PCNT: variants seen among roughly 807,000 people sequenced by gnomAD.
PCNT encodes kendrin.
Under a neutral mutation model 380.4 loss-of-function variants are expected in PCNT, and 319 were observed. The ratio of observed to expected loss-of-function variants is 0.84; its 90% confidence interval spans 0.77 to 0.92. The LOEUF (loss-of-function observed/expected upper bound fraction) is 0.92, where lower values mean the gene tolerates loss of function less well. PCNT is among the 40% of genes least tolerant of loss of function. The pLI is 0.00. For missense variants in PCNT, 4,400 were observed against 4,255.3 expected (o/e 1.03, Z -0.95); for synonymous variants, 1,845 against 1,735.2 (o/e 1.06, Z -1.57).
At chr21:46,437,764 C>T (rs1014320142) in intron 40 of PCNT, among the ~76,000 whole-genome samples, 2 of 152,228 alleles carry the variant, frequency 1.3e-5, no homozygotes, top group African/African-American at 2.4e-5. Flanking sequence ...GTGGGGTGCA[C>T]CCTGCCCCCT....
intron 21 of PCNT, among the ~76,000 whole-genome samples, chr21:46,392,542 C>T (rs1272369482): frequency 1.3e-5 from 2 of 152,178 alleles, no homozygotes; most frequent in African/African-American, 4.8e-5. Context: ...TTTCTCACTG[C>T]CTTCGTTGGG....
chr21:46,412,348 C>A (rs563594308), intron 28 of PCNT, among the ~76,000 whole-genome samples: 62 of 152,328 alleles, frequency 4.1e-4, no homozygotes, highest in Admixed American at 8.5e-4. Context: ...AGGGACTGTC[C>A]AGTGAAACGG....
At position 46,346,195 on chromosome 21, in the gene PCNT, TGCATCAGAGTCAGGTGACCCG is replaced by T; in HGVS notation, c.710_720+10del. The stretch of plus-strand genomic sequence containing the variant: ...AGCGGCCGTGAAGATGAGGCTGGCC[TGCATCAGAGTCAGGTGACCCG>T]GCGGGGCCTGCACAGGCTCACAGCA... On this transcript the variant is annotated splice_donor_variant and splice_donor_5th_base_variant and coding_sequence_variant and intron_variant, in exon 4 of 47. Coordinates refer to ENST00000359568, the MANE Select transcript of PCNT (RefSeq NM_006031.6). LOFTEE classifies it high-confidence loss of function. 3 of 1,613,078 alleles carry T rather than the reference TGCATCAGAGTCAGGTGACCCG, an allele frequency of 1.9e-6. No homozygotes were observed. Among genetic ancestry groups the T allele is most frequent in the Non-Finnish European group, 2.5e-6 (3 of 1,179,640 alleles).
At position 46,416,293 on chromosome 21, in the gene PCNT, C is replaced by T; in HGVS notation, c.6375C>T (p.His2125=). The change falls in exon 30 of 47, where the codon CAC becomes CAT. Residue 2125 remains histidine (H), a synonymous_variant. Transcript: ENST00000359568. ...GAGAAGAGCCTGACATATCACCCCA[C>T]ATAGACACATGTGATGCCAATACAG... ...CDGEEPDISP[H]IDTCDANTAT... 1 of 1,613,964 alleles carries T rather than the reference C, an allele frequency of 6.2e-7. No individual in the cohort carries two copies. The highest frequency in any genetic ancestry group is 2.2e-5 in the East Asian group (1 of 44,888).
intron 3 of PCNT, among the ~76,000 whole-genome samples, chr21:46,338,557 G>A (rs144369345): frequency 1.5e-4 from 22 of 151,724 alleles, no homozygotes; most frequent in Non-Finnish European, 2.6e-4. Flanking sequence ...ACCTGGTGAG[G>A]GACATCTTTC....
intron 13 of PCNT, among the ~76,000 whole-genome samples, chr21:46,357,851 G>A (rs2084532630): frequency 6.6e-6 from 1 of 152,246 alleles, no homozygotes; most frequent in South Asian, 2.1e-4. Context: ...CTTAAATTGC[G>A]TCCGCGTTCC....
At chr21:46,356,530 G>A (rs971667004) in intron 12 of PCNT, among the ~76,000 whole-genome samples, 3 of 152,240 alleles carry the variant, frequency 2.0e-5, no homozygotes, top group Admixed American at 1.3e-4. Context: ...GCACAGAACA[G>A]CAGGGGGAGG....
At chr21:46,389,795 T>C (rs541014370) in intron 19 of PCNT, among the ~76,000 whole-genome samples, 8 of 152,366 alleles carry the variant, frequency 5.3e-5, no homozygotes, top group African/African-American at 1.4e-4. Flanking sequence ...CAAAGATCTT[T>C]TTTTCAGCCA....
Position 46,388,783 on chromosome 21 carries a change from T to C in PCNT, c.3506T>C (p.Phe1169Ser). 1.2e-6 allele frequency: 2 copies of C among 1,613,794 alleles called. No homozygotes were observed. The highest frequency in any genetic ancestry group is 1.7e-6 in the Non-Finnish European group (2 of 1,179,956). Residue 1169 changes from phenylalanine (F) to serine (S), a missense_variant, in exon 18 of 47, where the codon TTT becomes TCT. By Grantham distance (155) the Phe-to-Ser change is radical (BLOSUM62 -2). Coordinates refer to ENST00000359568, the MANE Select transcript of PCNT (RefSeq NM_006031.6). The surrounding 1 kb of genome is among the most constrained non-coding windows in gnomAD (Gnocchi z 4.2). ...QDALRRLLGLFGETLRAAVTL... is the reference protein window; with the variant it reads ...QDALRRLLGLSGETLRAAVTL... ...GCCCTGCGCAGGCTGCTGGGTTTGT[T>C]TGGAGAGACGCTGAGGGCAGCCGTC...
chr21:46,440,837 C>G lies in PCNT; in HGVS notation c.9394-18C>G, dbSNP rs749169683. ...CTTTGTTTCCTATGATAAAATTTTACTGCTTTTTTTCTTTTAGATGGAAAA... is the reference window on the plus strand; with the variant it reads ...CTTTGTTTCCTATGATAAAATTTTAGTGCTTTTTTTCTTTTAGATGGAAAA... On this transcript the variant is annotated intron_variant, in intron 42 of 46. Coordinates refer to ENST00000359568, the MANE Select transcript of PCNT (RefSeq NM_006031.6). 1.4e-6 allele frequency: 2 copies of G among 1,471,214 alleles called. No individual in the cohort carries two copies. Among genetic ancestry groups the G allele is most frequent in the South Asian group, 2.3e-5 (2 of 88,126 alleles). 91.1% of individuals were successfully genotyped at this position (1,471,214 alleles called of 1,614,324 possible). A position where few individuals can be genotyped will look rare whatever the true frequency, so the allele number is the denominator to read the frequency against.
Position 46,425,690 on chromosome 21 carries a change from C to A in PCNT, c.7180-141C>A. The A allele has an allele frequency of 1.7e-6, 2 of 1,207,068 alleles. No homozygotes were observed. The highest frequency in any genetic ancestry group is 2.4e-6 in the Non-Finnish European group (2 of 827,992). 74.8% of individuals were successfully genotyped at this position (1,207,068 alleles called of 1,614,324 possible). On this transcript the variant is annotated intron_variant, in intron 32 of 46. Coordinates refer to ENST00000359568, the MANE Select transcript of PCNT (RefSeq NM_006031.6). This position sits in a 1 kb window ranked among gnomAD's most constrained non-coding sequence, Gnocchi z 4.2. ...GCTTGAGAAGTGGGTGCCGCCTGTA[C>A]GAAGCCGAGGCGGTGCCCTCCCTCT...
chr21:46,384,607 C>T lies in PCNT; in HGVS notation c.3313-1225C>T, dbSNP rs1312493261. On this transcript the variant is annotated intron_variant, in intron 16 of 46. Transcript: ENST00000359568. ...AAGCCCATTCACAGTGCTGTACATT[C>T]AGTGGCAGAAGTGCATTCGTGGTGT... Among the ~76,000 whole-genome samples the T allele has an allele frequency of 2.3e-5, 3 of 131,272 alleles. 1 individual carries two copies. The highest frequency in any genetic ancestry group is 5.0e-5 in the Non-Finnish European group (3 of 60,268). 86.1% of individuals were successfully genotyped at this position (131,272 alleles called of 152,430 possible).
chr21:46,359,242 C>T (rs993480217), intron 13 of PCNT, among the ~76,000 whole-genome samples: 2 of 147,160 alleles, frequency 1.4e-5, no homozygotes, highest in African/African-American at 2.5e-5. Context: ...CGTGAGCCAC[C>T]GAACCTGGCT....
intron 3 of PCNT, among the ~76,000 whole-genome samples, chr21:46,336,973 A>T (rs189865273): frequency 2.9e-5 from 4 of 138,974 alleles, no homozygotes; most frequent in Non-Finnish European, 1.6e-5. Flanking sequence ...AAAAAAAATT[A>T]GAAGGTTGTT....
At position 46,416,365 on chromosome 21, in the gene PCNT, G is replaced by A. The variant is rs763122571; in HGVS notation, c.6447G>A (p.Ala2149=). The change falls in exon 30 of 47, where the codon GCG becomes GCA. Residue 2149 remains alanine, a synonymous_variant. Coordinates refer to ENST00000359568, the MANE Select transcript of PCNT (RefSeq NM_006031.6). ...TTATCAAAAATCAGGCCATAGACGCGTGTGATGCCAATACAACCCCAGGGG... is the reference window on the plus strand; with the variant it reads ...TTATCAAAAATCAGGCCATAGACGCATGTGATGCCAATACAACCCCAGGGG... The part of the protein sequence containing the change: ...TDVIKNQAID[A]CDANTTPGGV... The A allele has an allele frequency of 1.5e-5, 24 of 1,613,958 alleles. No homozygotes were observed. The highest frequency in any genetic ancestry group is 1.3e-4 in the Admixed American group (8 of 59,990).
intron 15 of PCNT, among the ~76,000 whole-genome samples, chr21:46,373,853 C>T (rs1383790303): frequency 2.0e-5 from 3 of 151,344 alleles, no homozygotes; most frequent in East Asian, 1.9e-4. Flanking sequence ...CCTCAGCCTC[C>T]TGAGTAGCTG....
At chr21:46,371,209 TC>T (rs1257724505) in intron 15 of PCNT, among the ~76,000 whole-genome samples, 142 of 128,398 alleles carry the variant, frequency 1.1e-3, no homozygotes, top group Non-Finnish European at 2.1e-3. Context: ...TTATTTTCTT[TC>T]TTTCTTTTTT....
chr21:46,435,191 T>C (rs950467980), intron 38 of PCNT, among the ~76,000 whole-genome samples: 2 of 152,256 alleles, frequency 1.3e-5, no homozygotes, highest in East Asian at 1.9e-4. Context: ...CTGTGTGTTT[T>C]GGGCTTTTGC....
Position 46,367,087 on chromosome 21 carries a change from T to C in PCNT, c.3113T>C (p.Val1038Ala), listed in dbSNP as rs6518289. 0.87 allele frequency: 1,402,698 copies of C among 1,613,630 alleles called. 610,688 individuals are homozygous for C. Among genetic ancestry groups the C allele is most frequent in the African/African-American group, 0.9 (67,466 of 75,038 alleles). ...QSVRDHLRTEVSTELAGTVAH... is the reference protein window; with the variant it reads ...QSVRDHLRTEASTELAGTVAH... ...GTGCGGGACCACCTGCGAACCGAAG[T>C]GAGCACAGAGCTCGCCGGAACCGTG... is the stretch of plus-strand genomic sequence containing the variant. Residue 1038 changes from valine to alanine, a missense_variant, in exon 15 of 47, where the codon GTG becomes GCG. Val to Ala is a moderately conservative substitution (Grantham distance 64). Transcript: ENST00000359568.
Sources: gnomAD v4.1 joint callset for allele counts (sites outside exome capture counted in the v4.1 genomes callset) on GRCh38, gnomAD v4.1.1 for gene constraint, Gnocchi (gnomAD v3.1) non-coding constraint, MANE v1.5 for transcripts, NCBI Gene and HGNC (gene_info 2026-07-23, HGNC 2026-07-21) for gene names.